The following HMCN1 variants were observed in gnomAD, a reference collection of about 807,000 sequenced individuals.
The protein encoded by HMCN1 is hemicentin 1, also known as hemicentin-1.
A neutral mutation model predicts 625.9 loss-of-function variants in HMCN1; 321 were observed. That is an observed-to-expected ratio of 0.51 (90% CI 0.47 to 0.56). HMCN1 has a LOEUF of 0.56. Among genes scored for constraint, HMCN1 ranks in the 20% least tolerant of loss-of-function variants. HMCN1 has a pLI of 0.00. For missense variants in HMCN1, 6,588 were observed against 6,887.3 expected (o/e 0.96, Z 1.54); for synonymous variants, 2,425 against 2,417.6 (o/e 1.00, Z -0.09).
chr1:186,154,088 A>G, intron 97 of HMCN1, 101 bp downstream of exon 97: 1 of 956,346 alleles, frequency 1.0e-6, no homozygotes, highest in South Asian at 1.4e-5. Flanking sequence ...ACATGATATC[A>G]GGTTTTTCAT....
intron 4 of HMCN1, 96 bp downstream of exon 4, chr1:185,865,959 T>C: frequency 7.7e-7 from 1 of 1,306,244 alleles, no homozygotes; most frequent in Non-Finnish European, 1.1e-6. Context: ...CAAAAACAAT[T>C]TTAACCAAAA....
rs188441992 is a variant in HMCN1, at chr1:185,861,613, C to G, written c.340-2857C>G. Among the ~76,000 whole-genome samples, 115 of 152,194 alleles carry G rather than the reference C, an allele frequency of 7.6e-4. 1 individual carries two copies. The highest frequency in any genetic ancestry group is 4.1e-4 in the South Asian group (2 of 4,820). Reference sequence around the variant, plus strand: ...TAAAGATTATTTCTATCCAATATACCAAAATTACTAACATGTCTGTCTATT... The same window carrying G: ...TAAAGATTATTTCTATCCAATATACGAAAATTACTAACATGTCTGTCTATT... On this transcript the variant is annotated intron_variant, in intron 2 of 106. Coordinates refer to ENST00000271588, the MANE Select transcript of HMCN1 (RefSeq NM_031935.3).
chr1:185,985,992 ACTTTT>A (rs996403335), intron 19 of HMCN1, among the ~76,000 whole-genome samples: 21 of 152,204 alleles, frequency 1.4e-4, no homozygotes, highest in Non-Finnish European at 2.5e-4. Flanking sequence ...TAAATTTGCC[ACTTTT>A]CTTTATTGCT....
chr1:185,917,243 G>T (rs534015901), intron 6 of HMCN1, among the ~76,000 whole-genome samples: 11 of 152,186 alleles, frequency 7.2e-5, no homozygotes, highest in South Asian at 2.1e-4. Context: ...TAACTGAAAA[G>T]GTACTCAGAA....
chr1:186,159,614 G>C (rs1316813477), intron 97 of HMCN1, among the ~76,000 whole-genome samples: 1 of 152,176 alleles, frequency 6.6e-6, no homozygotes, highest in Non-Finnish European at 1.5e-5. Context: ...AACATATTGA[G>C]AGTTTTTAGC....
chr1:186,147,152 G>A (rs1266422672), intron 93 of HMCN1, among the ~76,000 whole-genome samples: 1 of 152,114 alleles, frequency 6.6e-6, no homozygotes, highest in Non-Finnish European at 1.5e-5. Context: ...CCTCTCAGAT[G>A]TGGCAAGCCA....
rs891861608 is a variant in HMCN1 at position 186,142,175 on chromosome 1, G to A, written c.13925-1998G>A. On this transcript the variant is annotated intron_variant, in intron 89 of 106. Transcript: ENST00000271588. The stretch of plus-strand genomic sequence containing the variant: ...CCTTCCACCCTCCTCCCTCAAGTAG[G>A]CCCCAGTGTTTGTTGTTCCCCTCTT... Among the ~76,000 whole-genome samples, 4 of 151,978 alleles carry A rather than the reference G, an allele frequency of 2.6e-5. No homozygotes were observed. The Middle Eastern group carries it at 0.014, about 517-fold the overall frequency.
In HMCN1 at chr1:186,144,184, T is replaced by C; in HGVS notation, c.13936T>C (p.Trp4646Arg). 3 of 1,606,250 alleles carry C rather than the reference T, an allele frequency of 1.9e-6. No homozygotes were observed. Among genetic ancestry groups the C allele is most frequent in the Non-Finnish European group, 2.6e-6 (3 of 1,176,046 alleles). ...TGGGGTGTTTGCAGTTCATGGAGCA[T>C]GGAGCGCTTGGCAGCCTTGGGGAAC... ...NIRPCPVHGAWSAWQPWGTCS... is the reference protein window; with the variant it reads ...NIRPCPVHGARSAWQPWGTCS... Residue 4646 changes from tryptophan to arginine, a missense_variant, in exon 90 of 107, where the codon TGG becomes CGG. Transcript: ENST00000271588.
At chr1:186,166,368 T>A (rs556501495) in intron 99 of HMCN1, 65 bp downstream of exon 99, 3 of 1,588,744 alleles carry the variant, frequency 1.9e-6, no homozygotes, top group Non-Finnish European at 2.6e-6. Context: ...CTAGAAAAAG[T>A]ATGATAGACC....
chr1:186,172,838 A>G (rs184180941), intron 102 of HMCN1, among the ~76,000 whole-genome samples: 408 of 152,344 alleles, frequency 2.7e-3, no homozygotes, highest in African/African-American at 9.2e-3. Context: ...AAGACCTATA[A>G]TATGAGGAGA....
At chr1:185,873,190 A>G (rs1663730030) in intron 4 of HMCN1, among the ~76,000 whole-genome samples, 1 of 152,172 alleles carries the variant, frequency 6.6e-6, no homozygotes, top group Admixed American at 6.5e-5. Flanking sequence ...TGACTATGAG[A>G]TGTTAGAGAT....
chr1:185,958,628 G>T (rs1021735323), intron 11 of HMCN1, among the ~76,000 whole-genome samples: 1 of 152,176 alleles, frequency 6.6e-6, no homozygotes, highest in South Asian at 2.1e-4. Flanking sequence ...GCCAGGCATT[G>T]TTCTAAGTGT....
At chr1:186,033,815 A>G (rs1162349037) in intron 36 of HMCN1, among the ~76,000 whole-genome samples, 2 of 152,164 alleles carry the variant, frequency 1.3e-5, no homozygotes, top group Admixed American at 1.3e-4. Flanking sequence ...GAAAAAGTAG[A>G]TATTTTAAAT....
At chr1:185,843,156 A>G (rs1466889902) in intron 1 of HMCN1, among the ~76,000 whole-genome samples, 2 of 152,216 alleles carry the variant, frequency 1.3e-5, no homozygotes, top group African/African-American at 4.8e-5. Context: ...AATAAACTGA[A>G]TAACGTAGGA....
At chr1:185,740,731 C>T (rs796708165) in intron 1 of HMCN1, among the ~76,000 whole-genome samples, 126 of 151,994 alleles carry the variant, frequency 8.3e-4, no homozygotes, top group African/African-American at 2.9e-3. Context: ...CGGTGGCTCA[C>T]ACCTGTAATC....
chr1:185,889,972 T>C (rs1417933914), intron 4 of HMCN1, among the ~76,000 whole-genome samples: 3 of 150,060 alleles, frequency 2.0e-5, no homozygotes, highest in Admixed American at 1.3e-4. Context: ...CTATTGATTA[T>C]TGCCACAATT....
intron 1 of HMCN1, among the ~76,000 whole-genome samples, chr1:185,812,500 C>T (rs984596878): frequency 3.9e-5 from 6 of 152,014 alleles, no homozygotes; most frequent in African/African-American, 7.2e-5. Context: ...CTCTGGTTAT[C>T]GATTCATTAT....
Position 186,113,932 on chromosome 1 carries a change from G to C in HMCN1, c.11132-47G>C, listed in dbSNP as rs759651562. On this transcript the variant is annotated intron_variant, in intron 72 of 106. Coordinates refer to ENST00000271588, the MANE Select transcript of HMCN1 (RefSeq NM_031935.3). ...CATCTTCAGGGTCTTCATGCAGGCT[G>C]TATTATTTAGTCTCACTGAATTTTT... The C allele has an allele frequency of 1.3e-5, 21 of 1,604,624 alleles. No individual in the cohort carries two copies. The Admixed American group carries it at 3.5e-4, about 27-fold the overall frequency.
chr1:186,166,033 A>C, intron 98 of HMCN1, 151 bp from the exon 99 acceptor site: 1 of 744,488 alleles, frequency 1.3e-6, no homozygotes, highest in Non-Finnish European at 2.2e-6. Flanking sequence ...ATTTTTATTC[A>C]GTGAATTCAT....
Sources: gnomAD v4.1 joint callset for allele counts (sites outside exome capture counted in the v4.1 genomes callset) on GRCh38, gnomAD v4.1.1 for gene constraint, MANE v1.5 for transcripts, NCBI Gene and HGNC (gene_info 2026-07-23, HGNC 2026-07-21) for gene names.